Variants in ARB2A observed in about 807,000 individuals in gnomAD.
ARB2A encodes the protein ARB2 cotranscriptional regulator A.
chr5:93,848,219 C>T, the ARB2A span, among the ~76,000 whole-genome samples: 1 of 151,966 alleles, frequency 6.6e-6, no homozygotes, highest in Non-Finnish European at 1.5e-5. Flanking sequence ...CCCGTCTCTA[C>T]TGAAAATACA....
the ARB2A span, among the ~76,000 whole-genome samples, chr5:93,655,274 T>C: frequency 4.2e-4 from 64 of 152,354 alleles, no homozygotes; most frequent in African/African-American, 1.4e-3. Context: ...GTTTCTTTAG[T>C]TAATATTATC....
chr5:94,074,698 T>C, the ARB2A span: 1 of 1,613,118 alleles, frequency 6.2e-7, no homozygotes. Context: ...GCTGGATTTG[T>C]GCCATGTTTA....
At chr5:93,805,846 C>T in the ARB2A span, 1 of 985,082 alleles carries the variant, frequency 1.0e-6, no homozygotes, top group South Asian at 4.7e-5. Context: ...TGGTTGTATA[C>T]AGTCAATGGT....
At chr5:93,668,103 T>C in the ARB2A span, among the ~76,000 whole-genome samples, 2 of 152,172 alleles carry the variant, frequency 1.3e-5, no homozygotes, top group East Asian at 3.8e-4. Context: ...TTAAAGCTTT[T>C]AAAAAAATTA....
chr5:94,056,769 A>C, the ARB2A span, among the ~76,000 whole-genome samples: 1 of 152,214 alleles, frequency 6.6e-6, no homozygotes, highest in African/African-American at 2.4e-5. Flanking sequence ...AAAAGGTAGA[A>C]GCACCCCAAG....
chr5:93,693,673 T>C, the ARB2A span, among the ~76,000 whole-genome samples: 4 of 151,956 alleles, frequency 2.6e-5, no homozygotes, highest in South Asian at 2.1e-4. Context: ...TTCGAAACAG[T>C]AGAAAAAGAG....
the ARB2A span, among the ~76,000 whole-genome samples, chr5:94,085,445 A>G: frequency 6.6e-6 from 1 of 152,186 alleles, no homozygotes; most frequent in East Asian, 1.9e-4. Context: ...CACTTCCAAG[A>G]TGGCTCACTC....
the ARB2A span, among the ~76,000 whole-genome samples, chr5:93,834,336 G>A: frequency 6.6e-6 from 1 of 152,170 alleles, no homozygotes; most frequent in Non-Finnish European, 1.5e-5. Context: ...AAGCACGACA[G>A]TGACACTGGG....
chr5:94,111,544 G>A, the ARB2A span: 2 of 152,438 alleles, frequency 1.3e-5, no homozygotes, highest in Admixed American at 1.3e-4. Flanking sequence ...GGCTGAGGGG[G>A]CAGGCGGGAG....
chr5:93,684,306 A>C, the ARB2A span, among the ~76,000 whole-genome samples: 2 of 152,186 alleles, frequency 1.3e-5, no homozygotes, highest in Admixed American at 1.3e-4. Context: ...CTCTAAATCT[A>C]TTCCCTCACT....
At chr5:93,741,692 G>C in the ARB2A span, 2 of 1,108,446 alleles carry the variant, frequency 1.8e-6, no homozygotes, top group African/African-American at 3.2e-5. Flanking sequence ...GGGTGCCTGT[G>C]CGTAGGCGGG....
chr5:94,026,630 T>C, the ARB2A span, among the ~76,000 whole-genome samples: 1 of 152,194 alleles, frequency 6.6e-6, no homozygotes, highest in South Asian at 2.1e-4. Context: ...GAAGAGTAGG[T>C]ATATGTAAAA....
the ARB2A span, among the ~76,000 whole-genome samples, chr5:93,836,248 C>G: frequency 3.3e-5 from 5 of 152,062 alleles, no homozygotes; most frequent in African/African-American, 1.2e-4. Context: ...AGGATGGTCT[C>G]GATCTCCTGA....
At chr5:93,669,141 T>G in the ARB2A span, among the ~76,000 whole-genome samples, 1 of 152,210 alleles carries the variant, frequency 6.6e-6, no homozygotes, top group South Asian at 2.1e-4. Flanking sequence ...TTCTAGTTGT[T>G]CTTACCACTG....
the ARB2A span, among the ~76,000 whole-genome samples, chr5:93,877,284 A>G: frequency 5.9e-5 from 9 of 152,206 alleles, no homozygotes; most frequent in African/African-American, 1.9e-4. Flanking sequence ...TTTTGCCTAT[A>G]CTCTACACAT....
At chr5:93,897,681 A>G in the ARB2A span, among the ~76,000 whole-genome samples, 1 of 151,964 alleles carries the variant, frequency 6.6e-6, no homozygotes, top group African/African-American at 2.4e-5. Context: ...AAGGAATAGT[A>G]ATTCTGTAGA....
the ARB2A span, among the ~76,000 whole-genome samples, chr5:94,104,800 C>T: frequency 1.3e-5 from 2 of 152,054 alleles, no homozygotes; most frequent in Non-Finnish European, 2.9e-5. Context: ...ACCTAATCTA[C>T]CATGATCAAA....
chr5:94,047,814 A>T, the ARB2A span, among the ~76,000 whole-genome samples: 1 of 152,218 alleles, frequency 6.6e-6, no homozygotes, highest in African/African-American at 2.4e-5. Context: ...GTTGGAGGAT[A>T]CATATTGATG....
chr5:93,986,963 A>G, the ARB2A span, among the ~76,000 whole-genome samples: 1 of 152,104 alleles, frequency 6.6e-6, no homozygotes, highest in Non-Finnish European at 1.5e-5. Flanking sequence ...CTATTGTCCT[A>G]TGACCCTGCC....
Sources: gnomAD v4.1 joint callset for allele counts (sites outside exome capture counted in the v4.1 genomes callset) on GRCh38, gnomAD v4.1.1 for gene constraint, MANE v1.5 for transcripts, NCBI Gene and HGNC (gene_info 2026-07-23, HGNC 2026-07-21) for gene names.